The following DPYD variants were observed in gnomAD, a reference collection of about 807,000 sequenced individuals.
The protein encoded by DPYD is dihydropyrimidine dehydrogenase.
Under a neutral mutation model 116.2 loss-of-function variants are expected in DPYD, and 109 were observed. The observed-to-expected ratio is 0.94, with a 90% confidence interval of 0.80 to 1.10. The LOEUF is 1.10. Ranked by LOEUF, DPYD falls within the 50% of genes least tolerant of loss-of-function variation. The pLI, the probability that DPYD is intolerant of heterozygous loss-of-function variation, is 0.00. For synonymous variants in DPYD, 440 were observed against 432.0 expected (o/e 1.02, Z -0.23); for missense variants, 1,302 against 1,254.5 (o/e 1.04, Z -0.57).
At chr1:97,325,142 G>A (rs1274783223) in intron 16 of DPYD, among the ~76,000 whole-genome samples, 1 of 151,996 alleles carries the variant, frequency 6.6e-6, no homozygotes, top group Non-Finnish European at 1.5e-5. Context: ...TTCAACAAAT[G>A]CAGAGTACCC....
chr1:97,883,473 C>G, intron 1 of DPYD, 99 bp from the exon 2 acceptor site: 1 of 933,358 alleles, frequency 1.1e-6, no homozygotes, highest in African/African-American at 1.7e-5. Flanking sequence ...GACACGGTCT[C>G]TCTCACTTTG....
chr1:97,280,186 G>A (rs1318920683), intron 18 of DPYD: 1 of 151,380 alleles, frequency 6.6e-6, no homozygotes, highest in Admixed American at 6.6e-5. Context: ...AGGATGTCTT[G>A]AATCTCCAGA....
At chr1:97,609,025 A>G (rs954107110) in intron 8 of DPYD, among the ~76,000 whole-genome samples, 4 of 151,976 alleles carry the variant, frequency 2.6e-5, no homozygotes, top group African/African-American at 9.7e-5. Flanking sequence ...ATCAATAAAA[A>G]TCTCACATTT....
chr1:97,910,967 T>C (rs1482985220), intron 1 of DPYD, among the ~76,000 whole-genome samples: 2 of 152,122 alleles, frequency 1.3e-5, no homozygotes, highest in African/African-American at 4.8e-5. Flanking sequence ...TTGTTTAAAA[T>C]AAAACCCAAA....
intron 14 of DPYD, among the ~76,000 whole-genome samples, chr1:97,445,969 T>C (rs919340330): frequency 2.0e-5 from 3 of 152,102 alleles, no homozygotes; most frequent in Non-Finnish European, 2.9e-5. Context: ...TCAAGTGATC[T>C]GCCTGCTTTG....
intron 2 of DPYD, among the ~76,000 whole-genome samples, chr1:97,850,766 A>G (rs1185433013): frequency 1.3e-4 from 1 of 7,662 alleles, no homozygotes; most frequent in Non-Finnish European, 0.011. Flanking sequence ...CAAATTGCCT[A>G]CAAAAAAACC....
intron 3 of DPYD, among the ~76,000 whole-genome samples, chr1:97,768,904 G>A (rs1270309523): frequency 1.3e-5 from 2 of 150,430 alleles, no homozygotes; most frequent in East Asian, 1.9e-4. Context: ...TAAAATAAAT[G>A]GGAAATAAAA....
intron 18 of DPYD, among the ~76,000 whole-genome samples, chr1:97,241,885 A>C (rs1347566510): frequency 1.3e-5 from 2 of 151,650 alleles, no homozygotes; most frequent in African/African-American, 4.8e-5. Flanking sequence ...GAGAAAATTG[A>C]TCAGAAAAAT....
intron 4 of DPYD, among the ~76,000 whole-genome samples, chr1:97,735,612 C>A (rs934517187): frequency 6.6e-6 from 1 of 150,800 alleles, no homozygotes; most frequent in East Asian, 1.9e-4. Flanking sequence ...GGCGTGAACC[C>A]GGGAGGCGGA....
intron 20 of DPYD, among the ~76,000 whole-genome samples, chr1:97,154,945 C>T (rs1444425333): frequency 6.6e-6 from 1 of 152,080 alleles, no homozygotes; most frequent in Non-Finnish European, 1.5e-5. Flanking sequence ...AAACACGTGT[C>T]TAGGTAGCAT....
intron 14 of DPYD, among the ~76,000 whole-genome samples, chr1:97,438,173 A>T (rs72729921): frequency 0.013 from 2,019 of 152,142 alleles, 16 homozygotes; most frequent in Middle Eastern, 0.034. Flanking sequence ...TAGACTTCCA[A>T]CTTTGTTCTT....
At chr1:97,883,776 A>G (rs1327692100) in intron 1 of DPYD, 1 of 418,188 alleles carries the variant, frequency 2.4e-6, no homozygotes, top group Non-Finnish European at 4.5e-6. Flanking sequence ...TTTATCTAAG[A>G]TTTCCTCTTA....
At chr1:97,365,337 C>G (rs983488053) in intron 16 of DPYD, among the ~76,000 whole-genome samples, 2 of 152,146 alleles carry the variant, frequency 1.3e-5, no homozygotes, top group Non-Finnish European at 2.9e-5. Flanking sequence ...TCTACTCTGC[C>G]CTGACAATCT....
chr1:97,207,573 T>C (rs1659726854), intron 19 of DPYD, among the ~76,000 whole-genome samples: 1 of 152,108 alleles, frequency 6.6e-6, no homozygotes, highest in Non-Finnish European at 1.5e-5. Flanking sequence ...TAACACTAAC[T>C]GAAGGAATGT....
At chr1:97,724,743 A>G (rs969969872) in intron 4 of DPYD, among the ~76,000 whole-genome samples, 1 of 151,592 alleles carries the variant, frequency 6.6e-6, no homozygotes, top group Admixed American at 6.6e-5. Flanking sequence ...ATCCAAGATA[A>G]AATTTAACCA....
chr1:97,591,494 A>G (rs977361537), intron 10 of DPYD, among the ~76,000 whole-genome samples: 17 of 152,204 alleles, frequency 1.1e-4, no homozygotes, highest in Admixed American at 6.5e-4. Context: ...ATGAATGAAT[A>G]AATAAATTCA....
chr1:97,141,282 G>A (rs1363169337), intron 20 of DPYD, among the ~76,000 whole-genome samples: 3 of 152,076 alleles, frequency 2.0e-5, no homozygotes, highest in African/African-American at 7.2e-5. Flanking sequence ...TGAATTAGAA[G>A]GGAACTAAGT....
intron 1 of DPYD, among the ~76,000 whole-genome samples, chr1:97,902,121 T>C (rs148254210): frequency 9.2e-5 from 14 of 151,854 alleles, no homozygotes; most frequent in African/African-American, 3.4e-4. Flanking sequence ...AAGGCATAAA[T>C]ATAGAGACTT....
intron 3 of DPYD, among the ~76,000 whole-genome samples, chr1:97,794,986 T>G (rs1288417279): frequency 6.6e-6 from 1 of 152,128 alleles, no homozygotes; most frequent in Non-Finnish European, 1.5e-5. Flanking sequence ...TTGTTTGTTC[T>G]AGTATCTTTT....
Sources: allele counts gnomAD v4.1 joint callset (sites outside exome capture counted in the v4.1 genomes callset), GRCh38; gene constraint gnomAD v4.1.1; transcripts MANE v1.5; gene names NCBI Gene and HGNC (gene_info 2026-07-23, HGNC 2026-07-21).